PRKACB: variants seen among roughly 807,000 people sequenced by gnomAD.
PRKACB encodes cAMP-dependent protein kinase catalytic subunit beta.
PRKACB carries 16 observed loss-of-function variants against 51.4 expected under a neutral mutation model. The ratio of observed to expected loss-of-function variants is 0.31; its 90% confidence interval spans 0.21 to 0.47. The LOEUF is 0.47. Ranked by LOEUF, PRKACB falls within the 20% of genes least tolerant of loss-of-function variation. The pLI is 1.00. For missense variants in PRKACB, 309 were observed against 464.5 expected, an observed-to-expected ratio of 0.67 and a Z score of 3.08; for synonymous variants, 147 against 154.4, an observed-to-expected ratio of 0.95 and a Z score of 0.35.
intron 9 of PRKACB, among the ~76,000 whole-genome samples, chr1:84,227,144 A>C (rs376390822): frequency 6.6e-6 from 1 of 152,092 alleles, no homozygotes; most frequent in Admixed American, 6.5e-5. Flanking sequence ...AGTTGGGATT[A>C]TATGGGATTC....
At chr1:84,175,375 A>G (rs1236017719) in intron 1 of PRKACB, among the ~76,000 whole-genome samples, 4 of 151,804 alleles carry the variant, frequency 2.6e-5, no homozygotes, top group African/African-American at 9.7e-5. Context: ...TAAACTCTTA[A>G]TACAAAATAT....
chr1:84,228,780 T>G (rs1017073348), intron 9 of PRKACB, among the ~76,000 whole-genome samples: 5 of 152,126 alleles, frequency 3.3e-5, no homozygotes, highest in Non-Finnish European at 7.3e-5. Context: ...AAGTCTGAGA[T>G]TTAGCTGTAA....
At position 84,083,007 on chromosome 1, in the gene PRKACB, GTTTAA is replaced by G. The variant is rs1348378951; in HGVS notation, c.46+4641_46+4645del. On this transcript the variant is annotated intron_variant, in intron 1 of 8. Transcript: ENST00000370688. ...AAATTATTATAGTTCAATAATTTGTGTTTAATTTATTAACTACAAAGTTAAATTAT... is the reference window on the plus strand; with the variant it reads ...AAATTATTATAGTTCAATAATTTGTGTTTATTAACTACAAAGTTAAATTAT... 2.0e-5 allele frequency among the ~76,000 whole-genome samples: 3 copies of G among 152,172 alleles called. No individual in the cohort carries two copies. The East Asian group carries it at 5.8e-4, about 29-fold the overall frequency.
chr1:84,165,416 T>A (rs1657092617), intron 1 of PRKACB, among the ~76,000 whole-genome samples: 1 of 151,848 alleles, frequency 6.6e-6, no homozygotes, highest in African/African-American at 2.4e-5. Context: ...TATTAGATTA[T>A]TTTTATTAGA....
intron 9 of PRKACB, among the ~76,000 whole-genome samples, chr1:84,222,721 A>T (rs962758523): frequency 6.6e-6 from 1 of 152,150 alleles, no homozygotes; most frequent in Non-Finnish European, 1.5e-5. Context: ...GTTTTTGCTT[A>T]TCTGGGAAAG....
chr1:84,178,367 C>G (rs1662058637), intron 1 of PRKACB, among the ~76,000 whole-genome samples: 1 of 151,908 alleles, frequency 6.6e-6, no homozygotes, highest in African/African-American at 2.4e-5. Context: ...AAGTTGTTTT[C>G]TAAGATAGCT....
intron 1 of PRKACB, among the ~76,000 whole-genome samples, chr1:84,129,114 A>G (rs1651918726): frequency 6.6e-6 from 1 of 152,170 alleles, no homozygotes; most frequent in Non-Finnish European, 1.5e-5. Flanking sequence ...GAATATTCTT[A>G]CATTAGAATT....
intron 1 of PRKACB, among the ~76,000 whole-genome samples, chr1:84,165,288 G>A (rs752386040): frequency 2.4e-4 from 37 of 151,756 alleles, no homozygotes; most frequent in African/African-American, 8.5e-4. Context: ...GTTATTAATT[G>A]TGTTATAAAT....
intron 1 of PRKACB, among the ~76,000 whole-genome samples, chr1:84,151,398 G>A (rs1211929663): frequency 3.3e-5 from 5 of 152,158 alleles, no homozygotes; most frequent in African/African-American, 2.4e-5. Flanking sequence ...ATTGATCAAG[G>A]TGATGGTCGC....
At chr1:84,234,344 G>T (rs998555824) in intron 9 of PRKACB, among the ~76,000 whole-genome samples, 2 of 152,214 alleles carry the variant, frequency 1.3e-5, no homozygotes, top group Non-Finnish European at 2.9e-5. Context: ...ATTTAAGTCT[G>T]CAGAGGTTAC....
At chr1:84,196,375 A>G (rs557526766) in intron 5 of PRKACB, among the ~76,000 whole-genome samples, 2 of 152,268 alleles carry the variant, frequency 1.3e-5, no homozygotes, top group East Asian at 1.9e-4. Context: ...TGAGCTAACT[A>G]TTTTAGGTTT....
chr1:84,142,937 A>T (rs1307309901), upstream of PRKACB, among the ~76,000 whole-genome samples: 1 of 152,048 alleles, frequency 6.6e-6, no homozygotes, highest in African/African-American at 2.4e-5. Flanking sequence ...AGTAAATCTG[A>T]AGTAAGATTT....
chr1:84,197,249 C>T (rs974658417), intron 6 of PRKACB, among the ~76,000 whole-genome samples: 4 of 152,066 alleles, frequency 2.6e-5, no homozygotes, highest in African/African-American at 7.2e-5. Flanking sequence ...ATACTGAACT[C>T]GTAGCAACGT....
At chr1:84,176,224 G>A (rs1362673621) in intron 1 of PRKACB, among the ~76,000 whole-genome samples, 2 of 151,806 alleles carry the variant, frequency 1.3e-5, no homozygotes, top group Non-Finnish European at 2.9e-5. Flanking sequence ...GCTTTATAGG[G>A]AATTCTGGGT....
At chr1:84,136,564 A>T (rs896306071) in intron 1 of PRKACB, among the ~76,000 whole-genome samples, 1 of 151,646 alleles carries the variant, frequency 6.6e-6, no homozygotes, top group Non-Finnish European at 1.5e-5. Flanking sequence ...AGCAACATAA[A>T]CTCTTTTTCG....
intron 1 of PRKACB, among the ~76,000 whole-genome samples, chr1:84,154,883 A>G (rs774794574): frequency 1.3e-5 from 2 of 152,112 alleles, no homozygotes; most frequent in African/African-American, 4.8e-5. Context: ...CTGTACTTCA[A>G]CATAATAAAG....
intron 1 of PRKACB, among the ~76,000 whole-genome samples, chr1:84,083,677 A>T (rs1647727193): frequency 6.6e-6 from 1 of 152,206 alleles, no homozygotes; most frequent in African/African-American, 2.4e-5. Context: ...CTAGGTGATA[A>T]ATGTTTGTAT....
intron 1 of PRKACB, among the ~76,000 whole-genome samples, chr1:84,121,556 C>G (rs1313204510): frequency 6.6e-6 from 1 of 152,170 alleles, no homozygotes; most frequent in South Asian, 2.1e-4. Flanking sequence ...TCCATTAGCA[C>G]CTGACATAAT....
At chr1:84,178,347 T>G (rs1662055706) in intron 1 of PRKACB, among the ~76,000 whole-genome samples, 1 of 152,044 alleles carries the variant, frequency 6.6e-6, no homozygotes, top group African/African-American at 2.4e-5. Flanking sequence ...TATTTGTTTT[T>G]AAACATCTGA....
Sources: gnomAD v4.1 joint callset for allele counts (sites outside exome capture counted in the v4.1 genomes callset) on GRCh38, gnomAD v4.1.1 for gene constraint, MANE v1.5 for transcripts, NCBI Gene and HGNC (gene_info 2026-07-23, HGNC 2026-07-21) for gene names.